ICA1L: variants seen among roughly 807,000 people sequenced by gnomAD.
The protein encoded by ICA1L is islet cell autoantigen 1-like protein.
A neutral mutation model predicts 61.3 loss-of-function variants in ICA1L; 50 were observed. The observed-to-expected ratio is 0.82, with a 90% CI of 0.65 to 1.03. The LOEUF is 1.03. ICA1L is among the 50% of genes least tolerant of loss of function. ICA1L has a pLI of 0.00. For synonymous variants in ICA1L, 161 were observed against 191.3 expected (o/e 0.84, Z 1.31); for missense variants, 508 against 556.7 (o/e 0.91, Z 0.88).
In ICA1L at chr2:202,778,207, A is replaced by G. The variant is rs1048993902; in HGVS notation, c.*1326T>C. The G allele has an allele frequency of 1.3e-5, 2 of 152,144 alleles. No homozygotes were observed. The highest frequency in any genetic ancestry group is 4.8e-5 in the African/African-American group (2 of 41,438). 9.4% of individuals were successfully genotyped at this position (152,144 alleles called of 1,614,324 possible). Reference sequence around the variant, plus strand: ...TCAAAATGTCTTCTTATGGAAATGCAATGGACTGGATGACAAATATAAAAC... The same window carrying G: ...TCAAAATGTCTTCTTATGGAAATGCGATGGACTGGATGACAAATATAAAAC... On this transcript the variant is annotated 3_prime_UTR_variant, in exon 13 of 13. Coordinates refer to ENST00000358299, the MANE Select transcript of ICA1L (RefSeq NM_001288622.3).
chr2:202,795,250 C>G (rs1344896535), intron 10 of ICA1L, among the ~76,000 whole-genome samples: 2 of 151,886 alleles, frequency 1.3e-5, no homozygotes, highest in African/African-American at 4.8e-5. Flanking sequence ...CTTGGCCTCC[C>G]AAAGTGCTGG....
chr2:202,819,512 G>A (rs1342470819), intron 5 of ICA1L, 189 bp downstream of exon 5: 6 of 580,596 alleles, frequency 1.0e-5, no homozygotes, highest in Non-Finnish European at 1.5e-5. Flanking sequence ...ATGGTGTGAA[G>A]ATGCCACTCC....
At chr2:202,836,631 CCTTTT>C (rs1039532336) in intron 1 of ICA1L, among the ~76,000 whole-genome samples, 1 of 151,774 alleles carries the variant, frequency 6.6e-6, no homozygotes, top group African/African-American at 2.4e-5. Flanking sequence ...TCAAGTTTGG[CCTTTT>C]CTTTAATGGG....
At chr2:202,784,287 AC>A (rs1692508076) in intron 12 of ICA1L, among the ~76,000 whole-genome samples, 1 of 152,110 alleles carries the variant, frequency 6.6e-6, no homozygotes, top group South Asian at 2.1e-4. Context: ...CCCCATCTCT[AC>A]ACAAAAATTG....
chr2:202,839,602 G>C (rs1001297310), intron 1 of ICA1L, among the ~76,000 whole-genome samples: 25 of 83,064 alleles, frequency 3.0e-4, no homozygotes, highest in Non-Finnish European at 5.8e-4. Context: ...GTGTGTGTGT[G>C]TGTGTGTGTG....
intron 12 of ICA1L, among the ~76,000 whole-genome samples, chr2:202,784,154 G>A (rs1218234819): frequency 6.6e-6 from 1 of 152,136 alleles, no homozygotes; most frequent in African/African-American, 2.4e-5. Flanking sequence ...ATAAACCACT[G>A]AAAACATAGG....
intron 1 of ICA1L, among the ~76,000 whole-genome samples, chr2:202,850,824 A>G (rs1694595456): frequency 6.6e-6 from 1 of 152,106 alleles, no homozygotes; most frequent in Non-Finnish European, 1.5e-5. Context: ...GAGCAACCCC[A>G]AGACATATAA....
chr2:202,803,558 A>T (rs1337880581), intron 9 of ICA1L, among the ~76,000 whole-genome samples: 1 of 152,134 alleles, frequency 6.6e-6, no homozygotes, highest in East Asian at 1.9e-4. Context: ...TTATTGAGAC[A>T]GGTTGTCACT....
intron 9 of ICA1L, among the ~76,000 whole-genome samples, chr2:202,811,221 TTC>T (rs1302308827): frequency 6.6e-6 from 1 of 152,094 alleles, no homozygotes; most frequent in Non-Finnish European, 1.5e-5. Context: ...GCTTTAAAAT[TTC>T]TCTCTTTTGT....
intron 1 of ICA1L, among the ~76,000 whole-genome samples, chr2:202,833,115 T>C (rs144571584): frequency 2.7e-4 from 41 of 152,058 alleles, no homozygotes; most frequent in Non-Finnish European, 4.1e-4. Flanking sequence ...AAACCTATCT[T>C]GAAAGCAACA....
intron 11 of ICA1L, among the ~76,000 whole-genome samples, chr2:202,786,296 C>G (rs2105818967): frequency 6.6e-6 from 1 of 152,248 alleles, no homozygotes; most frequent in South Asian, 2.1e-4. Context: ...CCTGTAATCC[C>G]AGCACTTTGG....
rs1276877113 is a variant in ICA1L, at chr2:202,829,001, G to A, written c.9C>T (p.Ser3=). The change falls in exon 2 of 13, where the codon TCC becomes TCT. Residue 3 remains serine (S), a synonymous_variant. Coordinates refer to ENST00000358299, the MANE Select transcript of ICA1L (RefSeq NM_001288622.3). MD[S]FGQPRPEDNQ... Reference sequence around the variant, plus strand: ...TATCTTCTGGTCTGGGTTGCCCAAAGGAATCCATGGAGTGACTACAATGAA... The same window carrying A: ...TATCTTCTGGTCTGGGTTGCCCAAAAGAATCCATGGAGTGACTACAATGAA... 5.7e-6 allele frequency: 9 copies of A among 1,575,084 alleles called. No homozygotes were observed. Among genetic ancestry groups the A allele is most frequent in the Non-Finnish European group, 7.7e-6 (9 of 1,165,432 alleles).
At chr2:202,862,284 A>C (rs1375791294) in intron 1 of ICA1L, among the ~76,000 whole-genome samples, 23 of 115,606 alleles carry the variant, frequency 2.0e-4, no homozygotes, top group East Asian at 1.0e-3. Context: ...AAAAAAAAAA[A>C]AAAAAAAAAA....
At chr2:202,857,100 T>C (rs1205525244) in intron 1 of ICA1L, among the ~76,000 whole-genome samples, 2 of 152,258 alleles carry the variant, frequency 1.3e-5, no homozygotes, top group South Asian at 2.1e-4. Flanking sequence ...CAAGCTACCA[T>C]TGACTTTCTT....
intron 1 of ICA1L, among the ~76,000 whole-genome samples, chr2:202,850,117 C>CA (rs1253841712): frequency 6.6e-6 from 1 of 152,050 alleles, no homozygotes; most frequent in Non-Finnish European, 1.5e-5. Flanking sequence ...AAAGGACCCC[C>CA]ATACAAAAAC....
chr2:202,854,035 C>T (rs746117736), intron 1 of ICA1L, among the ~76,000 whole-genome samples: 3 of 152,122 alleles, frequency 2.0e-5, no homozygotes, highest in Non-Finnish European at 4.4e-5. Flanking sequence ...CAAATTTACA[C>T]TTAACAATAT....
rs1159841081 is a variant in ICA1L, at chr2:202,789,082, T to C, written c.991A>G (p.Lys331Glu). ...TCCAATGAATCTACAGGTAGATCTTTTGCAACTATTGAGTGTAAATAAAAA... is the reference window on the plus strand; with the variant it reads ...TCCAATGAATCTACAGGTAGATCTTCTGCAACTATTGAGTGTAAATAAAAA... ...PQFSNSENVA[K>E]DLPVDSLEGE... Residue 331 changes from lysine (K) to glutamate (E), a missense_variant, in exon 11 of 13, where the codon AAA (lysine) becomes GAA (glutamate). Transcript: ENST00000358299. 6.2e-7 allele frequency: 1 copy of C among 1,605,510 alleles called. No individual in the cohort carries two copies. The highest frequency in any genetic ancestry group is 8.5e-7 in the Non-Finnish European group (1 of 1,177,176).
intron 9 of ICA1L, among the ~76,000 whole-genome samples, chr2:202,807,137 C>A (rs1693249541): frequency 6.6e-6 from 1 of 152,180 alleles, no homozygotes; most frequent in Non-Finnish European, 1.5e-5. Flanking sequence ...CAAGAAAGAA[C>A]CTTCATAACA....
At chr2:202,864,828 G>C (rs1446615881) in intron 1 of ICA1L, among the ~76,000 whole-genome samples, 1 of 151,964 alleles carries the variant, frequency 6.6e-6, no homozygotes. Flanking sequence ...AGAGGAGCCT[G>C]GCCAACATGG....
Sources: gnomAD v4.1 joint callset for allele counts (sites outside exome capture counted in the v4.1 genomes callset) on GRCh38, gnomAD v4.1.1 for gene constraint, MANE v1.5 for transcripts, NCBI Gene and HGNC (gene_info 2026-07-23, HGNC 2026-07-21) for gene names.